The following SHLD2 variants were observed in gnomAD, a reference collection of about 807,000 sequenced individuals.
The protein encoded by SHLD2 is RINN1-REV7-interacting novel NHEJ regulator 2.
In SHLD2, 30 loss-of-function variants were observed where a neutral mutation model predicts 73.2. That is an observed-to-expected ratio of 0.41 (90% CI 0.31 to 0.56). The LOEUF is 0.56. SHLD2 is among the 20% of genes least tolerant of loss of function. The pLI, the probability that SHLD2 is intolerant of heterozygous loss-of-function variation, is 0.28. For synonymous variants in SHLD2, 285 were observed against 370.1 expected, an observed-to-expected ratio of 0.77 and a Z score of 2.64; for missense variants, 745 against 1,055.9, an observed-to-expected ratio of 0.71 and a Z score of 4.08.
chr10:87,136,267 G>A (rs1415211339), intron 2 of SHLD2, among the ~76,000 whole-genome samples: 1 of 152,040 alleles, frequency 6.6e-6, no homozygotes, highest in East Asian at 1.9e-4. Flanking sequence ...GTGTGTGTAT[G>A]TGTGTTTGCA....
At chr10:87,101,274 A>T (rs896652626) in intron 2 of SHLD2, among the ~76,000 whole-genome samples, 1 of 152,228 alleles carries the variant, frequency 6.6e-6, no homozygotes, top group Non-Finnish European at 1.5e-5. Flanking sequence ...ACCCTTGTGT[A>T]TATTTGGCTT....
chr10:87,129,941 G>T (rs1589500251), intron 2 of SHLD2, among the ~76,000 whole-genome samples: 2 of 152,252 alleles, frequency 1.3e-5, no homozygotes, highest in Middle Eastern at 6.8e-3. Context: ...TAATGATGGG[G>T]TATAAAATTC....
At chr10:87,143,267 G>A (rs1486622243) in intron 2 of SHLD2, among the ~76,000 whole-genome samples, 1 of 152,064 alleles carries the variant, frequency 6.6e-6, no homozygotes, top group East Asian at 1.9e-4. Flanking sequence ...GTTGCATGGC[G>A]TGGATGGGGA....
chr10:87,100,590 G>A (rs1842201642), intron 2 of SHLD2, among the ~76,000 whole-genome samples: 2 of 151,628 alleles, frequency 1.3e-5, no homozygotes, highest in South Asian at 4.2e-4. Context: ...CAATTCTCCT[G>A]CTCCAGCCTC....
chr10:87,116,544 A>T (rs1236959608), intron 2 of SHLD2, among the ~76,000 whole-genome samples: 1 of 152,132 alleles, frequency 6.6e-6, no homozygotes, highest in African/African-American at 2.4e-5. Context: ...GCAGGTGAGA[A>T]TTCGGGATAT....
chr10:87,101,436 A>C (rs1428184602), intron 2 of SHLD2, among the ~76,000 whole-genome samples: 5 of 152,188 alleles, frequency 3.3e-5, no homozygotes, highest in Non-Finnish European at 7.3e-5. Flanking sequence ...AGAAATATTT[A>C]TTTATTAAGA....
At chr10:87,099,252 T>C (rs1214570243) in intron 2 of SHLD2, among the ~76,000 whole-genome samples, 1 of 152,208 alleles carries the variant, frequency 6.6e-6, no homozygotes, top group Non-Finnish European at 1.5e-5. Flanking sequence ...CTTTTTTCTC[T>C]CTTAAAAATA....
At chr10:87,179,336 A>T (rs890338889) in intron 7 of SHLD2, among the ~76,000 whole-genome samples, 1 of 152,150 alleles carries the variant, frequency 6.6e-6, no homozygotes, top group Non-Finnish European at 1.5e-5. Flanking sequence ...GTTGGAAAAA[A>T]GTTTAAAAGA....
intron 2 of SHLD2, among the ~76,000 whole-genome samples, chr10:87,106,408 G>A (rs1387662953): frequency 1.5e-5 from 2 of 130,992 alleles, no homozygotes; most frequent in African/African-American, 3.2e-5. Flanking sequence ...TTTTTTTAAC[G>A]CAATTTACAA....
intron 2 of SHLD2, among the ~76,000 whole-genome samples, chr10:87,110,998 C>T (rs1842883810): frequency 6.6e-6 from 1 of 151,860 alleles, no homozygotes; most frequent in African/African-American, 2.4e-5. Flanking sequence ...CGCGCACCAC[C>T]ACGCCTGGCT....
chr10:87,123,633 GTA>G (rs1337774091), intron 2 of SHLD2, among the ~76,000 whole-genome samples: 1 of 152,176 alleles, frequency 6.6e-6, no homozygotes, highest in Non-Finnish European at 1.5e-5. Context: ...AATAGAGCTT[GTA>G]TATATGTCTC....
In SHLD2 at chr10:87,158,089, C is replaced by T. The variant is rs1846562599; in HGVS notation, c.1567C>T (p.Leu523=). 1 of 1,611,438 alleles carries T rather than the reference C, an allele frequency of 6.2e-7. No homozygotes were observed. The highest frequency in any genetic ancestry group is 1.3e-5 in the African/African-American group (1 of 74,940). Residue 523 remains leucine, a synonymous_variant, in exon 4 of 10, where the codon CTA becomes TTA. Coordinates refer to ENST00000298786, the MANE Select transcript of SHLD2 (RefSeq NM_001330112.2). ...GGACCAATGGATTGGCGAGACAGTA[C>T]TACAATCAACATTTAGCAGTCAGTT... ...HEDQWIGETV[L]QSTFSSQLLN...
At chr10:87,147,072 GAAAAAAAAAAAAAAAACA>G (rs1845671001) in intron 2 of SHLD2, among the ~76,000 whole-genome samples, 3 of 95,316 alleles carry the variant, frequency 3.1e-5, no homozygotes, top group Non-Finnish European at 4.5e-5. Flanking sequence ...AAAAAAAAAA[GAAAAAAAAAAAAAAAACA>G]AAAAAACCTT....
intron 2 of SHLD2, among the ~76,000 whole-genome samples, chr10:87,108,211 G>A (rs887212747): frequency 2.6e-5 from 4 of 152,090 alleles, no homozygotes; most frequent in African/African-American, 7.2e-5. Flanking sequence ...CACCACACCA[G>A]GCCAATTTTG....
intron 2 of SHLD2, among the ~76,000 whole-genome samples, chr10:87,109,399 A>G (rs1373038830): frequency 6.6e-6 from 1 of 151,688 alleles, no homozygotes; most frequent in Non-Finnish European, 1.5e-5. Flanking sequence ...CCTAGATTCA[A>G]GCGATTCTCC....
At chr10:87,181,935 A>T (rs943803437) in intron 8 of SHLD2, among the ~76,000 whole-genome samples, 5 of 149,756 alleles carry the variant, frequency 3.3e-5, no homozygotes, top group Non-Finnish European at 7.5e-5. Context: ...ACGCCTGGCT[A>T]ATTTTGTATT....
chr10:87,152,066 A>G lies in SHLD2; in HGVS notation c.712A>G (p.Thr238Ala). Residue 238 changes from threonine to alanine, a missense_variant, in exon 3 of 10, where the codon ACT becomes GCT. Physicochemically the swap from Thr to Ala is moderately conservative, Grantham distance 58 (BLOSUM62 0). Around this residue, in one of 5 missense-constraint regions of SHLD2, gnomAD observed 280 missense variants for 353.9 expected, o/e 0.79. Transcript: ENST00000298786. ...GAAGGTCTCAGACCTTAAAATATCA[A>G]CTGATACAGAATTTCTCAGTATAAT... ...VRKVSDLKIS[T>A]DTEFLSIITS... is the part of the protein sequence containing the mutation. The G allele has an allele frequency of 6.2e-7, 1 of 1,611,962 alleles. No individual in the cohort carries two copies.
intron 2 of SHLD2, among the ~76,000 whole-genome samples, chr10:87,134,448 G>T (rs533418233): frequency 6.6e-6 from 1 of 152,106 alleles, no homozygotes; most frequent in Non-Finnish European, 1.5e-5. Context: ...TAATGGCCAC[G>T]TATGGGCTGG....
chr10:87,135,343 A>G (rs1819860516), intron 2 of SHLD2, among the ~76,000 whole-genome samples: 1 of 152,006 alleles, frequency 6.6e-6, no homozygotes, highest in Non-Finnish European at 1.5e-5. Context: ...TGAGCTTCTC[A>G]TCTCTTGTTT....
Sources: gnomAD v4.1 joint callset for allele counts (sites outside exome capture counted in the v4.1 genomes callset) on GRCh38, gnomAD v4.1.1 for gene constraint, gnomAD v4.1.1 regional missense constraint, MANE v1.5 for transcripts, NCBI Gene and HGNC (gene_info 2026-07-23, HGNC 2026-07-21) for gene names.